The following SUSD1 variants were observed in gnomAD, a reference collection of about 807,000 sequenced individuals.
SUSD1 encodes sushi domain-containing protein 1.
In SUSD1, 65 loss-of-function variants were observed where a neutral mutation model predicts 86.9. The observed-to-expected ratio is 0.75, with a 90% confidence interval of 0.61 to 0.92. The LOEUF (loss-of-function observed/expected upper bound fraction) is 0.92, where lower values mean the gene tolerates loss of function less well. SUSD1 is among the 40% of genes least tolerant of loss of function. SUSD1 has a pLI of 0.00. For missense variants in SUSD1, 850 were observed against 929.7 expected, an observed-to-expected ratio of 0.91 and a Z score of 1.11; for synonymous variants, 346 against 350.0, an observed-to-expected ratio of 0.99 and a Z score of 0.13.
At position 112,142,430 on chromosome 9, in the gene SUSD1, C is replaced by T; in HGVS notation, c.596G>A (p.Gly199Asp). 1.2e-6 allele frequency: 2 copies of T among 1,614,024 alleles called. No homozygotes were observed. The highest frequency in any genetic ancestry group is 1.1e-5 in the South Asian group (1 of 91,044). Reference sequence around the variant, plus strand: ...TCTGCAAGCATAACGAACCTGGCTGCCCAGACTAGACGTATAATTTCCTAT... The same window carrying T: ...TCTGCAAGCATAACGAACCTGGCTGTCCAGACTAGACGTATAATTTCCTAT... ...YIIGNYTSSL[G>D]SQVRYACREG... Residue 199 changes from glycine to aspartate, a missense_variant, in exon 5 of 17, where the codon GGC (glycine) becomes GAC (aspartate). Gly to Asp is a moderately conservative substitution (Grantham distance 94). Transcript: ENST00000374270.
intron 12 of SUSD1, among the ~76,000 whole-genome samples, chr9:112,063,238 T>A (rs1378660168): frequency 6.6e-6 from 1 of 152,094 alleles, no homozygotes; most frequent in Non-Finnish European, 1.5e-5. Context: ...TCCACTTAGA[T>A]GAAAAATCTA....
intron 6 of SUSD1, among the ~76,000 whole-genome samples, chr9:112,122,082 T>C (rs978101254): frequency 7.9e-5 from 12 of 152,232 alleles, no homozygotes; most frequent in Non-Finnish European, 4.4e-5. Context: ...CCCTCTTTTA[T>C]AGATGAGGAA....
chr9:112,149,504 AC>A, intron 2 of SUSD1, 105 bp from the exon 3 acceptor site: 1 of 1,264,338 alleles, frequency 7.9e-7, no homozygotes, highest in Non-Finnish European at 1.1e-6. Context: ...ACGTTCTGTG[AC>A]CACACCTTAG....
chr9:112,094,175 A>G, intron 10 of SUSD1, among the ~76,000 whole-genome samples: 1 of 152,332 alleles, frequency 6.6e-6, no homozygotes, highest in East Asian at 1.9e-4. Context: ...TCTCCAGGTA[A>G]TCATTACACT....
intron 5 of SUSD1, among the ~76,000 whole-genome samples, chr9:112,130,544 GAAGGAAAGAAAAGA>G (rs1392607519): frequency 2.7e-5 from 4 of 148,494 alleles, no homozygotes; most frequent in East Asian, 2.0e-4. Context: ...GGAAGGAAAG[GAAGGAAAGAAAAGA>G]AAGGAAAGAA....
At chr9:112,122,963 G>A (rs927936047) in intron 6 of SUSD1, among the ~76,000 whole-genome samples, 11 of 152,170 alleles carry the variant, frequency 7.2e-5, no homozygotes, top group Non-Finnish European at 1.5e-4. Flanking sequence ...GTGGGGAGGG[G>A]CAAATGGGGA....
Position 112,111,762 on chromosome 9 carries a change from T to G in SUSD1, c.1063A>C (p.Thr355Pro). ...TACAGGGCTAGGCACACTTCTGGGGTCCTGCTGTCTGTGGTCAAGTTGACT... is the reference window on the plus strand; with the variant it reads ...TACAGGGCTAGGCACACTTCTGGGGGCCTGCTGTCTGTGGTCAAGTTGACT... ...ETVNLTTDSR[T>P]PEVCLALYPG... Residue 355 changes from threonine (T) to proline (P), a missense_variant, in exon 8 of 17, where the codon ACC becomes CCC. Physicochemically the swap from Thr to Pro is conservative, Grantham distance 38. Transcript: ENST00000374270. 1 of 1,614,012 alleles carries G rather than the reference T, an allele frequency of 6.2e-7. No homozygotes were observed. Among genetic ancestry groups the G allele is most frequent in the Non-Finnish European group, 8.5e-7 (1 of 1,180,008 alleles).
chr9:112,101,495 T>A (rs796260999), intron 9 of SUSD1, among the ~76,000 whole-genome samples: 24 of 152,326 alleles, frequency 1.6e-4, no homozygotes, highest in African/African-American at 5.5e-4. Context: ...TTACTGATGA[T>A]GTTTAAGAAA....
intron 14 of SUSD1, among the ~76,000 whole-genome samples, chr9:112,054,629 T>C (rs902304571): frequency 4.1e-4 from 62 of 151,894 alleles, no homozygotes; most frequent in African/African-American, 1.5e-3. Context: ...CTAGGAAAAC[T>C]GGATATCTAC....
At chr9:112,111,998 T>A in intron 7 of SUSD1, 158 bp from the exon 8 acceptor site, 1 of 685,190 alleles carries the variant, frequency 1.5e-6, no homozygotes, top group Admixed American at 3.0e-5. Context: ...TAAAGTCTGA[T>A]CAGCCCAGTG....
chr9:112,147,702 G>A (rs1012756055), intron 3 of SUSD1, among the ~76,000 whole-genome samples: 1 of 152,234 alleles, frequency 6.6e-6, no homozygotes, highest in African/African-American at 2.4e-5. Flanking sequence ...CCGTGAGGCA[G>A]AGCCTGCAGT....
At chr9:112,144,523 A>C (rs762491765) in intron 3 of SUSD1, among the ~76,000 whole-genome samples, 1 of 152,112 alleles carries the variant, frequency 6.6e-6, no homozygotes, top group Admixed American at 6.6e-5. Context: ...ACGGTGGCTC[A>C]TGTCTGTAAT....
At chr9:112,060,330 C>T (rs1283717598) in intron 13 of SUSD1, among the ~76,000 whole-genome samples, 1 of 152,156 alleles carries the variant, frequency 6.6e-6, no homozygotes, top group Non-Finnish European at 1.5e-5. Flanking sequence ...GGTGTGATCT[C>T]AGCTCACTGC....
At chr9:112,117,778 TTTGG>T (rs933576611) in intron 6 of SUSD1, among the ~76,000 whole-genome samples, 5 of 152,168 alleles carry the variant, frequency 3.3e-5, no homozygotes, top group Admixed American at 2.0e-4. Context: ...CTATGTATTA[TTTGG>T]TTGAACTGGT....
At chr9:112,081,637 T>C (rs1829771770) in intron 10 of SUSD1, among the ~76,000 whole-genome samples, 1 of 152,246 alleles carries the variant, frequency 6.6e-6, no homozygotes, top group Non-Finnish European at 1.5e-5. Flanking sequence ...AATCATTTAA[T>C]ATGACTAAAT....
intron 14 of SUSD1, among the ~76,000 whole-genome samples, chr9:112,056,461 G>T (rs779672293): frequency 6.6e-6 from 1 of 152,122 alleles, no homozygotes; most frequent in Non-Finnish European, 1.5e-5. Context: ...ATTTTATATT[G>T]TATATGTTTT....
At chr9:112,084,811 G>A (rs544744361) in intron 10 of SUSD1, among the ~76,000 whole-genome samples, 8 of 152,098 alleles carry the variant, frequency 5.3e-5, no homozygotes, top group South Asian at 2.1e-4. Context: ...TTCTCCACCC[G>A]CTGGGCCAAT....
intron 2 of SUSD1, 39 bp from the exon 3 acceptor site, chr9:112,149,438 T>A: frequency 2.5e-6 from 4 of 1,605,046 alleles, no homozygotes; most frequent in Non-Finnish European, 3.4e-6. Context: ...GAGCTATCAA[T>A]CCACACCGAC....
chr9:112,056,003 G>A (rs1487826594), intron 14 of SUSD1, among the ~76,000 whole-genome samples: 1 of 152,192 alleles, frequency 6.6e-6, no homozygotes, highest in Non-Finnish European at 1.5e-5. Flanking sequence ...GCTCATGCCT[G>A]TAATCCCAAC....
Sources: allele counts gnomAD v4.1 joint callset (sites outside exome capture counted in the v4.1 genomes callset), GRCh38; gene constraint gnomAD v4.1.1; transcripts MANE v1.5; gene names NCBI Gene and HGNC (gene_info 2026-07-23, HGNC 2026-07-21).